Variants in DLEU7 observed in about 807,000 individuals in gnomAD.
DLEU7 encodes the protein leukemia-associated protein 7.
A neutral mutation model predicts 16.0 loss-of-function variants in DLEU7; 17 were observed. That is an observed-to-expected ratio of 1.06 (90% CI 0.73 to 1.59). DLEU7 has a LOEUF of 1.59. Ranked by LOEUF, DLEU7 falls within the 40% of genes most tolerant of loss-of-function variation. The probability of loss-of-function intolerance (pLI) is 0.00; values close to 1 mark genes in which losing one functional copy is unlikely to be tolerated. For missense variants in DLEU7, 308 were observed against 314.9 expected, an observed-to-expected ratio of 0.98 and a Z score of 0.17; for synonymous variants, 113 against 139.8, an observed-to-expected ratio of 0.81 and a Z score of 1.35.
intron 1 of DLEU7, among the ~76,000 whole-genome samples, chr13:50,787,553 G>A (rs1407194652): frequency 6.6e-6 from 1 of 151,980 alleles, no homozygotes; most frequent in Non-Finnish European, 1.5e-5. Context: ...CCTCCCACTT[G>A]CCATCCTTGC....
At chr13:50,783,554 C>A (rs1434417981) in intron 1 of DLEU7, among the ~76,000 whole-genome samples, 1 of 152,076 alleles carries the variant, frequency 6.6e-6, no homozygotes, top group East Asian at 1.9e-4. Flanking sequence ...AGCTTCCCTC[C>A]CTAGTATGGG....
intron 1 of DLEU7, among the ~76,000 whole-genome samples, chr13:50,816,641 T>C (rs1204920117): frequency 6.6e-6 from 1 of 152,058 alleles, no homozygotes; most frequent in Non-Finnish European, 1.5e-5. Context: ...GAGGACTGAA[T>C]GAGGCTGTGT....
Position 50,758,062 on chromosome 13 carries a change from T to C in DLEU7, c.460-44822A>G, listed in dbSNP as rs375329141. The stretch of plus-strand genomic sequence containing the variant: ...TTTTTTTTTTTTTTGAGATGAGGTT[T>C]AGCTATGTTGCCCAGGTTGGTCTCA... On this transcript the variant is annotated intron_variant, in intron 1 of 1. Transcript: ENST00000400393. Among the ~76,000 whole-genome samples, 664 of 142,484 alleles carry C rather than the reference T, an allele frequency of 4.7e-3. 4 individuals carry two copies. Among genetic ancestry groups the C allele is most frequent in the Middle Eastern group, 0.015 (4 of 272 alleles). 93.5% of individuals were successfully genotyped at this position (142,484 alleles called of 152,430 possible).
intron 1 of DLEU7, among the ~76,000 whole-genome samples, chr13:50,765,430 G>A (rs1200323196): frequency 6.6e-6 from 1 of 152,028 alleles, no homozygotes; most frequent in African/African-American, 2.4e-5. Context: ...AAATGAGGAG[G>A]AAGGAGAAAG....
At chr13:50,836,274 A>G (rs548265549) in intron 1 of DLEU7, among the ~76,000 whole-genome samples, 1 of 152,252 alleles carries the variant, frequency 6.6e-6, no homozygotes, top group Admixed American at 6.5e-5. Flanking sequence ...CTCTACAGAG[A>G]GCACGAAGGA....
At chr13:50,731,374 T>G (rs1056923299) in intron 1 of DLEU7, among the ~76,000 whole-genome samples, 1 of 152,218 alleles carries the variant, frequency 6.6e-6, no homozygotes, top group African/African-American at 2.4e-5. Flanking sequence ...AACATGTATA[T>G]GTGTTTTTGA....
At chr13:50,759,147 C>T (rs1874850784) in intron 1 of DLEU7, among the ~76,000 whole-genome samples, 1 of 152,214 alleles carries the variant, frequency 6.6e-6, no homozygotes, top group Admixed American at 6.5e-5. Flanking sequence ...ATTTATTCCT[C>T]ATCTTTGTAA....
In DLEU7 at chr13:50,745,700, T is replaced by C. The variant is rs76117100; in HGVS notation, c.460-32460A>G. 4.0e-3 allele frequency among the ~76,000 whole-genome samples: 616 copies of C among 152,164 alleles called. 12 individuals carry two copies. In the East Asian group the frequency reaches 0.053, roughly 13 times the overall value. On this transcript the variant is annotated intron_variant, in intron 1 of 1. Coordinates refer to the DLEU7 transcript ENST00000400393. Reference sequence around the variant, plus strand: ...CATGACAAGCTGAAATGAAACCGAGTGACAGCACTGAAAGGAAATTTATCT... The same window carrying C: ...CATGACAAGCTGAAATGAAACCGAGCGACAGCACTGAAAGGAAATTTATCT...
chr13:50,749,730 T>C (rs1240855643), intron 1 of DLEU7, among the ~76,000 whole-genome samples: 2 of 152,222 alleles, frequency 1.3e-5, no homozygotes, highest in Admixed American at 1.3e-4. Context: ...TGGCCATTTG[T>C]ATATCTTCTT....
Position 50,810,232 on chromosome 13 carries a change from C to T in DLEU7, c.459+32956G>A, listed in dbSNP as rs571447429. Reference sequence around the variant, plus strand: ...AAAAGCTAAATTCTCTTAAGAATTTCAGTGGTTGTAGGCATTCACTCCTGA... The same window carrying T: ...AAAAGCTAAATTCTCTTAAGAATTTTAGTGGTTGTAGGCATTCACTCCTGA... On this transcript the variant is annotated intron_variant, in intron 1 of 1. Transcript: ENST00000400393. Among the ~76,000 whole-genome samples, 5 of 149,966 alleles carry T rather than the reference C, an allele frequency of 3.3e-5. No individual in the cohort carries two copies. The South Asian group carries it at 1.1e-3, about 32-fold the overall frequency.
intron 1 of DLEU7, among the ~76,000 whole-genome samples, chr13:50,788,749 C>T (rs1199862231): frequency 6.6e-6 from 1 of 152,172 alleles, no homozygotes; most frequent in Admixed American, 6.5e-5. Flanking sequence ...AAATCCCTCC[C>T]ACAGAAATGA....
chr13:50,743,308 T>G lies in DLEU7; in HGVS notation c.460-30068A>C, dbSNP rs1024462520. Among the ~76,000 whole-genome samples the G allele has an allele frequency of 8.5e-5, 13 of 152,162 alleles. No homozygotes were observed. The East Asian group carries it at 2.5e-3, about 29-fold the overall frequency. ...CAAGCAGGTTTGCTGACAGGGCATCTAAACAGAAGAGAAGGCTAGAGTGTC... is the reference window on the plus strand; with the variant it reads ...CAAGCAGGTTTGCTGACAGGGCATCGAAACAGAAGAGAAGGCTAGAGTGTC... On this transcript the variant is annotated intron_variant, in intron 1 of 1. Coordinates refer to the DLEU7 transcript ENST00000400393.
intron 1 of DLEU7, among the ~76,000 whole-genome samples, chr13:50,773,170 A>G (rs1254659229): frequency 6.6e-6 from 1 of 152,150 alleles, no homozygotes; most frequent in East Asian, 1.9e-4. Flanking sequence ...CATTCGTCTA[A>G]TCTTTTTTCA....
chr13:50,820,094 G>A (rs1876851330), downstream of DLEU7, among the ~76,000 whole-genome samples: 1 of 152,138 alleles, frequency 6.6e-6, no homozygotes, highest in Non-Finnish European at 1.5e-5. Flanking sequence ...ATCAAAAGCT[G>A]ATGATAGATC....
chr13:50,806,519 T>C (rs1481555423), intron 1 of DLEU7, among the ~76,000 whole-genome samples: 1 of 152,144 alleles, frequency 6.6e-6, no homozygotes, highest in East Asian at 1.9e-4. Context: ...AGGAAAAATT[T>C]GTTTTATATT....
chr13:50,739,821 T>C (rs1297910024), intron 1 of DLEU7, among the ~76,000 whole-genome samples: 1 of 152,174 alleles, frequency 6.6e-6, no homozygotes, highest in Non-Finnish European at 1.5e-5. Flanking sequence ...AGTCCAACCC[T>C]ACCTAGTCCC....
intron 1 of DLEU7, among the ~76,000 whole-genome samples, chr13:50,753,016 T>G (rs1319803102): frequency 2.0e-5 from 3 of 152,074 alleles, no homozygotes; most frequent in Non-Finnish European, 4.4e-5. Context: ...CCCACCAGAT[T>G]AGCTACATAA....
At chr13:50,783,891 T>G (rs931406144) in intron 1 of DLEU7, among the ~76,000 whole-genome samples, 1 of 152,040 alleles carries the variant, frequency 6.6e-6, no homozygotes, top group Admixed American at 6.5e-5. Context: ...GGAACACATA[T>G]AGAGATATGG....
intron 1 of DLEU7, among the ~76,000 whole-genome samples, chr13:50,794,194 G>A (rs1328616356): frequency 2.0e-5 from 3 of 152,052 alleles, no homozygotes; most frequent in Non-Finnish European, 2.9e-5. Context: ...CTAGCTCAAC[G>A]ATGCCCAGCC....
Sources: gnomAD v4.1 joint callset for allele counts (sites outside exome capture counted in the v4.1 genomes callset) on GRCh38, gnomAD v4.1.1 for gene constraint, MANE v1.5 for transcripts, NCBI Gene and HGNC (gene_info 2026-07-23, HGNC 2026-07-21) for gene names.